The following RLF variants were observed in gnomAD, a reference collection of about 807,000 sequenced individuals.
RLF encodes the protein RLF zinc finger.
A neutral mutation model predicts 162.9 loss-of-function variants in RLF; 7 were observed. That is an observed-to-expected ratio of 0.04 (90% confidence interval 0.02 to 0.08). The LOEUF is 0.08. Among genes scored for constraint, RLF ranks in the 10% least tolerant of loss-of-function variants. The probability of loss-of-function intolerance (pLI) is 1.00; values close to 1 mark genes in which losing one functional copy is unlikely to be tolerated. For missense variants in RLF, 1,664 were observed against 2,244.7 expected (o/e 0.74, Z 5.23); for synonymous variants, 782 against 791.5 (o/e 0.99, Z 0.20).
At position 40,162,644 on chromosome 1, in the gene RLF, C is replaced by T. The variant is rs151311452; in HGVS notation, c.237+1008C>T. Among the ~76,000 whole-genome samples the T allele has an allele frequency of 4.5e-3, 682 of 152,268 alleles. 9 individuals are homozygous for T. The highest frequency in any genetic ancestry group is 0.016 in the African/African-American group (651 of 41,544). Reference sequence around the variant, plus strand: ...TAATAATTTTGGGGGGCAATTTGCTCTGTTGGTCCGGAGTAGAATAAAAGT... The same window carrying T: ...TAATAATTTTGGGGGGCAATTTGCTTTGTTGGTCCGGAGTAGAATAAAAGT... On this transcript the variant is annotated intron_variant, in intron 1 of 7. Coordinates refer to ENST00000372771, the MANE Select transcript of RLF (RefSeq NM_012421.4).
intron 1 of RLF, among the ~76,000 whole-genome samples, chr1:40,164,729 T>A (rs2124521656): frequency 6.6e-6 from 1 of 151,338 alleles, no homozygotes; most frequent in Admixed American, 6.6e-5. Context: ...TTTTGAAGAC[T>A]TTTTTTTTAG....
chr1:40,234,395 A>AG (rs1643192275), intron 7 of RLF, among the ~76,000 whole-genome samples: 1 of 152,198 alleles, frequency 6.6e-6, no homozygotes, highest in South Asian at 2.1e-4. Flanking sequence ...AGGCTGTAGT[A>AG]GGGGTTCTGT....
At chr1:40,208,029 A>G (rs1291792538) in intron 5 of RLF, among the ~76,000 whole-genome samples, 1 of 152,146 alleles carries the variant, frequency 6.6e-6, no homozygotes, top group Non-Finnish European at 1.5e-5. Flanking sequence ...CTATCAACTA[A>G]CGTATTTTTT....
intron 5 of RLF, among the ~76,000 whole-genome samples, chr1:40,211,468 A>G (rs1642864197): frequency 2.0e-5 from 3 of 152,248 alleles, no homozygotes; most frequent in Non-Finnish European, 2.9e-5. Flanking sequence ...TCATATTTAT[A>G]CATATAGGTG....
chr1:40,168,556 A>G (rs1642197020), intron 1 of RLF, among the ~76,000 whole-genome samples: 1 of 152,148 alleles, frequency 6.6e-6, no homozygotes, highest in Admixed American at 6.5e-5. Flanking sequence ...AAAGAAAGAG[A>G]CATTTTTTTG....
intron 1 of RLF, among the ~76,000 whole-genome samples, chr1:40,181,394 C>T (rs1417075797): frequency 2.6e-5 from 4 of 152,180 alleles, no homozygotes; most frequent in Non-Finnish European, 5.9e-5. Flanking sequence ...GGCACCACCG[C>T]ACTCCAGCCT....
chr1:40,173,579 T>G (rs1320804598), intron 1 of RLF, among the ~76,000 whole-genome samples: 1 of 151,622 alleles, frequency 6.6e-6, no homozygotes, highest in Non-Finnish European at 1.5e-5. Flanking sequence ...AGTGTTACAA[T>G]CTCAGCTCAC....
At chr1:40,174,922 A>G (rs768861740) in intron 1 of RLF, among the ~76,000 whole-genome samples, 1 of 152,170 alleles carries the variant, frequency 6.6e-6, no homozygotes, top group Non-Finnish European at 1.5e-5. Context: ...TCAAAGGGCC[A>G]AGCACAGTGG....
chr1:40,232,816 C>G (rs777190216), intron 7 of RLF, among the ~76,000 whole-genome samples: 1 of 152,144 alleles, frequency 6.6e-6, no homozygotes, highest in African/African-American at 2.4e-5. Flanking sequence ...GCAATCCTCC[C>G]GTCTCAGCCT....
Position 40,236,503 on chromosome 1 carries a change from G to T in RLF, c.1801G>T (p.Val601Leu), listed in dbSNP as rs1420876922. 4 of 1,613,718 alleles carry T rather than the reference G, an allele frequency of 2.5e-6. No individual in the cohort carries two copies. In the African/African-American group the frequency reaches 4.0e-5, roughly 16 times the overall value. The change falls in exon 8 of 8, where the codon GTG (valine) becomes TTG (leucine). Residue 601 changes from valine to leucine, a missense_variant. By Grantham distance (32) the Val-to-Leu change is conservative (BLOSUM62 1). Around this residue, in one of 15 missense-constraint regions of RLF, gnomAD observed 31 missense variants for 80.5 expected, o/e 0.39. Transcript: ENST00000372771. This position sits in a 1 kb window ranked among gnomAD's most constrained non-coding sequence, Gnocchi z 7.7. ...FKRKEMFVPH[V>L]MEHVKMPPSR... ...GAGAAAAGAAATGTTTGTTCCTCAT[G>T]TGATGGAGCATGTTAAAATGCCACC... is the stretch of plus-strand genomic sequence containing the variant.
intron 5 of RLF, among the ~76,000 whole-genome samples, chr1:40,220,528 A>T (rs1642978093): frequency 6.6e-6 from 1 of 152,124 alleles, no homozygotes; most frequent in African/African-American, 2.4e-5. Flanking sequence ...TACCAAAGGT[A>T]TTTTTAAAAA....
intron 6 of RLF, among the ~76,000 whole-genome samples, chr1:40,229,559 A>G (rs2014599): frequency 0.048 from 7,215 of 149,398 alleles, 562 homozygotes; most frequent in African/African-American, 0.17. Flanking sequence ...GGTTCAAGCA[A>G]TTCTCCTGCC....
intron 1 of RLF, among the ~76,000 whole-genome samples, chr1:40,162,842 C>G (rs181377547): frequency 6.6e-6 from 1 of 152,182 alleles, no homozygotes; most frequent in African/African-American, 2.4e-5. Flanking sequence ...TTGTTGTTCT[C>G]TGCTTCCTTA....
Position 40,239,543 on chromosome 1 carries a change from A to C in RLF, c.4841A>C (p.Glu1614Ala). The change falls in exon 8 of 8, where the codon GAA (glutamate) becomes GCA (alanine). Residue 1614 changes from glutamate (E) to alanine (A), a missense_variant. Physicochemically the swap from Glu to Ala is moderately radical, Grantham distance 107. Around this residue, in one of 15 missense-constraint regions of RLF, gnomAD observed 327 missense variants for 342.7 expected, o/e 0.95. Transcript: ENST00000372771. ...SEADPCIKKE[E>A]NRSCESERTE... ...GCAGATCCCTGTATAAAGAAAGAAG[A>C]AAATAGAAGCTGTGAATCAGAGCGC... 1 of 1,614,130 alleles carries C rather than the reference A, an allele frequency of 6.2e-7. No individual in the cohort carries two copies. Among genetic ancestry groups the C allele is most frequent in the Non-Finnish European group, 8.5e-7 (1 of 1,180,032 alleles).
At chr1:40,211,956 C>T (rs971799524) in intron 5 of RLF, among the ~76,000 whole-genome samples, 4 of 152,180 alleles carry the variant, frequency 2.6e-5, no homozygotes, top group Non-Finnish European at 5.9e-5. Flanking sequence ...CCTAGTGATA[C>T]TTTTCTTTTG....
chr1:40,236,907 G>T lies in RLF; in HGVS notation c.2205G>T (p.Val735=). The T allele has an allele frequency of 1.2e-6, 2 of 1,614,186 alleles. No individual in the cohort carries two copies. The highest frequency in any genetic ancestry group is 1.7e-6 in the Non-Finnish European group (2 of 1,180,022). Residue 735 remains valine, a synonymous_variant, in exon 8 of 8, where the codon GTG becomes GTT. Coordinates refer to ENST00000372771, the MANE Select transcript of RLF (RefSeq NM_012421.4). This position sits in a 1 kb window ranked among gnomAD's most constrained non-coding sequence, Gnocchi z 7.7. The part of the protein sequence containing the change: ...SAFHLREHEQ[V]HCGPQPYMCV... ...TTCACCTTCGAGAGCACGAACAAGT[G>T]CATTGTGGGCCTCAGCCTTATATGT...
At chr1:40,193,265 T>C (rs556001286) in intron 3 of RLF, among the ~76,000 whole-genome samples, 21 of 152,300 alleles carry the variant, frequency 1.4e-4, no homozygotes, top group African/African-American at 4.8e-4. Flanking sequence ...ACCATAGTTT[T>C]TGTAGTTTTA....
Position 40,236,644 on chromosome 1 carries a change from A to G in RLF, c.1942A>G (p.Lys648Glu). 1.2e-6 allele frequency: 2 copies of G among 1,614,124 alleles called. No homozygotes were observed. The highest frequency in any genetic ancestry group is 2.7e-5 in the African/African-American group (2 of 75,050). ...EQNHSLNDQA[K>E]GESHEYVTFS... ...AAACCATTCATTGAATGACCAAGCC[A>G]AAGGAGAGTCTCATGAATATGTCAC... is the stretch of plus-strand genomic sequence containing the variant. The change falls in exon 8 of 8, where the codon AAA becomes GAA. Residue 648 changes from lysine (K) to glutamate (E), a missense_variant. Physicochemically the swap from Lys to Glu is moderately conservative, Grantham distance 56. This residue lies in a region of RLF where 50 missense variants were observed against 46.7 expected (regional missense o/e 1.07). Coordinates refer to ENST00000372771, the MANE Select transcript of RLF (RefSeq NM_012421.4). This position sits in a 1 kb window ranked among gnomAD's most constrained non-coding sequence, Gnocchi z 7.7.
Position 40,240,741 on chromosome 1 carries a change from A to T in RLF, c.*294A>T. 3.2e-6 allele frequency: 1 copy of T among 310,498 alleles called. No individual in the cohort carries two copies. 19.2% of individuals were successfully genotyped at this position (310,498 alleles called of 1,614,324 possible). A position where few individuals can be genotyped will look rare whatever the true frequency, so the allele number is the denominator to read the frequency against. ...TACTGGGGCTTCCTTTTTCAAATTA[A>T]GTGTGCATGATTGTATATGGAACAA... On this transcript the variant is annotated 3_prime_UTR_variant, in exon 8 of 8. Transcript: ENST00000372771.
Sources: allele counts gnomAD v4.1 joint callset (sites outside exome capture counted in the v4.1 genomes callset), GRCh38; gene constraint gnomAD v4.1.1; regional missense constraint gnomAD v4.1.1; non-coding constraint Gnocchi (gnomAD v3.1); transcripts MANE v1.5; gene names NCBI Gene and HGNC (gene_info 2026-07-23, HGNC 2026-07-21).